Variants in DYNC2H1 observed in about 807,000 individuals in gnomAD.
The protein encoded by DYNC2H1 is cytoplasmic dynein 2 heavy chain 1.
In DYNC2H1, 410 loss-of-function variants were observed where a neutral mutation model predicts 570.0. The observed-to-expected ratio is 0.72, with a 90% CI of 0.66 to 0.78. The LOEUF (loss-of-function observed/expected upper bound fraction) is 0.78. Among genes scored for constraint, DYNC2H1 ranks in the 30% least tolerant of loss-of-function variants. DYNC2H1 has a pLI of 0.00. For missense variants in DYNC2H1, 4,865 were observed against 5,046.4 expected, an observed-to-expected ratio of 0.96 and a Z score of 1.09; for synonymous variants, 1,688 against 1,677.6, an observed-to-expected ratio of 1.01 and a Z score of -0.15.
At chr11:103,190,952 T>A (rs1704250989) in intron 45 of DYNC2H1, among the ~76,000 whole-genome samples, 1 of 143,142 alleles carries the variant, frequency 7.0e-6, no homozygotes. Context: ...TCAGCAGGGC[T>A]TTTTAGCCTT....
Position 103,187,363 on chromosome 11 carries a change from C to G in DYNC2H1, c.6917C>G (p.Ser2306Ter). The G allele has an allele frequency of 6.2e-7, 1 of 1,612,994 alleles. No homozygotes were observed. The highest frequency in any genetic ancestry group is 8.5e-7 in the Non-Finnish European group (1 of 1,179,294). The change falls in exon 43 of 89, where the codon TCA becomes TGA. Residue 2306 changes from serine to a stop codon, truncating the protein, a stop_gained. Transcript: ENST00000375735. LOFTEE classifies it high-confidence loss of function. ...GKGMLLRYAFSQLRSTQIATV... is the reference protein window; with the variant it reads ...GKGMLLRYAF ...AGGATGCTGCTCAGGTACGCATTTT[C>G]ACAACTCCGGTCCACTCAAATTGCT...
At chr11:103,470,328 A>G (rs191955771) in intron 88 of DYNC2H1, among the ~76,000 whole-genome samples, 2 of 152,338 alleles carry the variant, frequency 1.3e-5, no homozygotes, top group African/African-American at 4.8e-5. Flanking sequence ...AGCTAATTTA[A>G]TTTGAAAAAT....
chr11:103,239,268 C>T lies in DYNC2H1; in HGVS notation c.9819+2729C>T, dbSNP rs2135210711. Among the ~76,000 whole-genome samples the T allele has an allele frequency of 6.6e-6, 1 of 152,048 alleles. No homozygotes were observed. Among genetic ancestry groups the T allele is most frequent in the African/African-American group, 2.4e-5 (1 of 41,452 alleles). On this transcript the variant is annotated intron_variant, in intron 63 of 88. Coordinates refer to ENST00000375735, the MANE Select transcript of DYNC2H1 (RefSeq NM_001377.3). This position sits in a 1 kb window ranked among gnomAD's most constrained non-coding sequence, Gnocchi z 4.3. ...CCTTTTGGTATATGCTGAGGAAATG[C>T]AAACTAATGTGATACTAGTCTAAGA...
At chr11:103,448,956 A>C (rs1944511727) in intron 85 of DYNC2H1, among the ~76,000 whole-genome samples, 1 of 152,114 alleles carries the variant, frequency 6.6e-6, no homozygotes, top group African/African-American at 2.4e-5. Flanking sequence ...TACTAGTAGC[A>C]TGTAGAGCTG....
At chr11:103,460,699 T>G (rs1944980933) in intron 87 of DYNC2H1, among the ~76,000 whole-genome samples, 1 of 151,032 alleles carries the variant, frequency 6.6e-6, no homozygotes, top group South Asian at 2.1e-4. Flanking sequence ...ATGTATATTT[T>G]TATATATACA....
intron 85 of DYNC2H1, among the ~76,000 whole-genome samples, chr11:103,451,668 C>T (rs1009597444): frequency 1.1e-4 from 16 of 151,652 alleles, no homozygotes; most frequent in Non-Finnish European, 2.9e-5. Flanking sequence ...CACATTTTAT[C>T]ACATTGTTTT....
chr11:103,249,493 A>G lies in DYNC2H1; in HGVS notation c.10043-3792A>G, dbSNP rs1300076704. ...AGCTTTATTAGCACTCCAGAAGCCC[A>G]CTTACTTACTACACCTCTTCTCCAC... On this transcript the variant is annotated intron_variant, in intron 65 of 88. Coordinates refer to ENST00000375735, the MANE Select transcript of DYNC2H1 (RefSeq NM_001377.3). This position sits in a 1 kb window ranked among gnomAD's most constrained non-coding sequence, Gnocchi z 4.6. 1.3e-5 allele frequency among the ~76,000 whole-genome samples: 2 copies of G among 152,056 alleles called. No homozygotes were observed. The highest frequency in any genetic ancestry group is 1.3e-4 in the Admixed American group (2 of 15,242).
At chr11:103,278,194 G>A (rs1344711647) in intron 70 of DYNC2H1, among the ~76,000 whole-genome samples, 1 of 152,022 alleles carries the variant, frequency 6.6e-6, no homozygotes, top group Admixed American at 6.6e-5. Flanking sequence ...GTCACCAATT[G>A]CTGATTTTCT....
In DYNC2H1 at chr11:103,229,000, A is replaced by C. The variant is rs944793074; in HGVS notation, c.9354-2260A>C. ...CTACCTCTGCTGAGTCATGCAGGTCACCCAGGGTAGTGGGGGAAAGCCAGC... is the reference window on the plus strand; with the variant it reads ...CTACCTCTGCTGAGTCATGCAGGTCCCCCAGGGTAGTGGGGGAAAGCCAGC... On this transcript the variant is annotated intron_variant, in intron 59 of 88. Transcript: ENST00000375735. The surrounding 1 kb of genome is among the most constrained non-coding windows in gnomAD (Gnocchi z 6.1). Among the ~76,000 whole-genome samples the C allele has an allele frequency of 6.6e-6, 1 of 151,964 alleles. No individual in the cohort carries two copies. The highest frequency in any genetic ancestry group is 2.4e-5 in the African/African-American group (1 of 41,368).
intron 34 of DYNC2H1, among the ~76,000 whole-genome samples, chr11:103,171,442 G>T (rs915807395): frequency 1.3e-5 from 2 of 152,092 alleles, no homozygotes; most frequent in African/African-American, 4.8e-5. Flanking sequence ...TTTTAGTAGA[G>T]ATAGGGTTTG....
chr11:103,273,502 A>T (rs1279271020), intron 70 of DYNC2H1, among the ~76,000 whole-genome samples: 1 of 152,014 alleles, frequency 6.6e-6, no homozygotes, highest in Admixed American at 6.6e-5. Context: ...TAATTTTTTT[A>T]TTCTTAATTT....
At chr11:103,306,653 CTTTTGTCATTT>C (rs974685127) in intron 77 of DYNC2H1, among the ~76,000 whole-genome samples, 4 of 151,986 alleles carry the variant, frequency 2.6e-5, no homozygotes, top group East Asian at 1.9e-4. Flanking sequence ...TAGGGCCATT[CTTTTGTCATTT>C]TTTTGTCATC....
At chr11:103,292,323 GA>G (rs1454606863) in intron 75 of DYNC2H1, among the ~76,000 whole-genome samples, 2 of 151,718 alleles carry the variant, frequency 1.3e-5, no homozygotes, top group African/African-American at 4.8e-5. Flanking sequence ...TTAAACTGAT[GA>G]CAACTTAACT....
chr11:103,419,632 T>C (rs1943410659), intron 84 of DYNC2H1, among the ~76,000 whole-genome samples: 1 of 148,278 alleles, frequency 6.7e-6, no homozygotes, highest in African/African-American at 2.5e-5. Context: ...ACCCCAAAGG[T>C]CAGCAACCTC....
intron 85 of DYNC2H1, among the ~76,000 whole-genome samples, chr11:103,453,272 T>C (rs1006293771): frequency 6.6e-6 from 1 of 151,988 alleles, no homozygotes; most frequent in Non-Finnish European, 1.5e-5. Context: ...ACGACTTTGT[T>C]CAAAGCCCAA....
chr11:103,300,871 A>G (rs890256806), intron 75 of DYNC2H1, among the ~76,000 whole-genome samples: 3 of 150,998 alleles, frequency 2.0e-5, no homozygotes, highest in Admixed American at 1.3e-4. Context: ...ACTGGCATGT[A>G]TTTTCCAAAT....
At chr11:103,390,967 T>TA in intron 83 of DYNC2H1, among the ~76,000 whole-genome samples, 1 of 152,260 alleles carries the variant, frequency 6.6e-6, no homozygotes, top group Non-Finnish European at 1.5e-5. Context: ...ATCTGACAAT[T>TA]ATGTGTTTTG....
chr11:103,328,910 A>T (rs2135455677), intron 82 of DYNC2H1, among the ~76,000 whole-genome samples: 2 of 152,266 alleles, frequency 1.3e-5, no homozygotes, highest in South Asian at 4.1e-4. Flanking sequence ...TTTGTTTTTG[A>T]TGGTGAGGAG....
At chr11:103,428,202 A>G (rs11225791) in intron 84 of DYNC2H1, among the ~76,000 whole-genome samples, 41,290 of 127,868 alleles carry the variant, frequency 0.32, 6,135 homozygotes, top group South Asian at 0.38. Context: ...TTTTTTTTTC[A>G]GAATATCTGA....
Sources: gnomAD v4.1 joint callset for allele counts (sites outside exome capture counted in the v4.1 genomes callset) on GRCh38, gnomAD v4.1.1 for gene constraint, Gnocchi (gnomAD v3.1) non-coding constraint, MANE v1.5 for transcripts, NCBI Gene and HGNC (gene_info 2026-07-23, HGNC 2026-07-21) for gene names.